DENND5A: variants seen among roughly 807,000 people sequenced by gnomAD.
DENND5A encodes the protein DENN domain-containing protein 5A.
In DENND5A, 64 loss-of-function variants were observed where a neutral mutation model predicts 140.3. The ratio of observed to expected loss-of-function variants is 0.46; its 90% CI spans 0.37 to 0.56. The LOEUF (loss-of-function observed/expected upper bound fraction) is 0.56, where lower values mean the gene tolerates loss of function less well. Ranked by LOEUF, DENND5A falls within the 20% of genes least tolerant of loss-of-function variation. The pLI is 0.00. For missense variants in DENND5A, 1,292 were observed against 1,593.8 expected (o/e 0.81, Z 3.22); for synonymous variants, 605 against 607.7 (o/e 1.00, Z 0.07).
At chr11:9,146,883 G>A (rs1046780727) in intron 16 of DENND5A, 147 bp downstream of exon 16, 4 of 861,860 alleles carry the variant, frequency 4.6e-6, no homozygotes, top group African/African-American at 3.4e-5. Flanking sequence ...AGGAGGGCAA[G>A]TGCACCTCTC....
Position 9,144,413 on chromosome 11 carries a change from C to T in DENND5A, c.3123-135G>A. 7 of 853,586 alleles carry T rather than the reference C, an allele frequency of 8.2e-6. No individual in the cohort carries two copies. In the South Asian group the frequency reaches 9.4e-5, roughly 11 times the overall value. 52.9% of individuals were successfully genotyped at this position (853,586 alleles called of 1,614,324 possible). On this transcript the variant is annotated intron_variant, in intron 18 of 22. Coordinates refer to ENST00000328194, the MANE Select transcript of DENND5A (RefSeq NM_015213.4). The stretch of plus-strand genomic sequence containing the variant: ...GACTCCTTCAATGCTCTGCTGGTTC[C>T]ACCATGTATCATCAGAGAATCACCC...
At chr11:9,143,577 CA>C in intron 19 of DENND5A, 92 bp from the exon 20 acceptor site, 1 of 1,060,770 alleles carries the variant, frequency 9.4e-7, no homozygotes, top group Non-Finnish European at 1.5e-6. Flanking sequence ...GGGGAGGGCC[CA>C]TAGGAGAGGC....
chr11:9,207,100 C>A, intron 2 of DENND5A: 1 of 406,196 alleles, frequency 2.5e-6, no homozygotes. Flanking sequence ...TTGTATCTAT[C>A]TTTTTTTTTT....
At chr11:9,251,142 A>C (rs1298298282) in intron 1 of DENND5A, among the ~76,000 whole-genome samples, 13 of 143,284 alleles carry the variant, frequency 9.1e-5, no homozygotes, top group African/African-American at 3.0e-4. Flanking sequence ...CTCAAACAAA[A>C]AAAAAAAAAA....
At chr11:9,233,139 G>A (rs1564930289) in intron 1 of DENND5A, among the ~76,000 whole-genome samples, 3 of 152,114 alleles carry the variant, frequency 2.0e-5, no homozygotes, top group Admixed American at 1.3e-4. Context: ...AGGGGCTCAC[G>A]CCTATAATCC....
chr11:9,167,488 A>G (rs911293681), intron 10 of DENND5A, among the ~76,000 whole-genome samples: 2 of 151,314 alleles, frequency 1.3e-5, no homozygotes, highest in Non-Finnish European at 2.9e-5. Context: ...AAAAAAAAAA[A>G]AAAAGAAAAA....
intron 2 of DENND5A, chr11:9,207,113 C>A: frequency 7.2e-6 from 3 of 417,496 alleles, no homozygotes; most frequent in African/African-American, 2.1e-5. Flanking sequence ...TTTTTTTTCC[C>A]TGAAAGCCAC....
intron 12 of DENND5A, 62 bp from the exon 13 acceptor site, chr11:9,152,504 C>A: frequency 8.7e-7 from 1 of 1,150,066 alleles, no homozygotes; most frequent in East Asian, 2.3e-5. Context: ...AGGCTTTCAA[C>A]ATACAGATAG....
chr11:9,199,540 T>A (rs138572210), intron 4 of DENND5A, among the ~76,000 whole-genome samples: 2 of 152,196 alleles, frequency 1.3e-5, no homozygotes, highest in South Asian at 4.1e-4. Flanking sequence ...TTAAAAATTA[T>A]GCTATTAAAA....
intron 1 of DENND5A, among the ~76,000 whole-genome samples, chr11:9,262,805 G>T (rs1038639856): frequency 3.3e-5 from 5 of 151,798 alleles, no homozygotes; most frequent in African/African-American, 1.2e-4. Flanking sequence ...GCAGTGGCGC[G>T]ATCTGGGCTC....
Position 9,142,775 on chromosome 11 carries a change from T to C in DENND5A, c.3458A>G (p.His1153Arg). ...GAAGAGCCGGGGCGATTTAAATCCA[T>C]GCTGGAAAGCCTGTTCCAAGGCCGA... ...LVSALEQAFQ[H>R]GFKSPRLFKN... Residue 1153 changes from histidine to arginine, a missense_variant, in exon 21 of 23, where the codon CAT becomes CGT. By Grantham distance (29) the His-to-Arg change is conservative. Transcript: ENST00000328194. 6.2e-7 allele frequency: 1 copy of C among 1,614,174 alleles called. No homozygotes were observed. Among genetic ancestry groups the C allele is most frequent in the South Asian group, 1.1e-5 (1 of 91,078 alleles).
intron 1 of DENND5A, among the ~76,000 whole-genome samples, chr11:9,232,427 GAATA>G (rs976037658): frequency 1.3e-5 from 2 of 152,040 alleles, no homozygotes; most frequent in African/African-American, 4.8e-5. Flanking sequence ...CAAAAGCCCT[GAATA>G]GATACTTCAA....
chr11:9,190,558 T>C (rs578236588), intron 5 of DENND5A, among the ~76,000 whole-genome samples: 1 of 152,302 alleles, frequency 6.6e-6, no homozygotes, highest in Non-Finnish European at 1.5e-5. Context: ...TCCACCATGA[T>C]TGTGAGGCTT....
chr11:9,255,122 T>C, intron 1 of DENND5A, among the ~76,000 whole-genome samples: 1 of 152,152 alleles, frequency 6.6e-6, no homozygotes. Flanking sequence ...AATCTTTGTC[T>C]TCTAGGATAT....
chr11:9,234,446 C>T (rs758181873), intron 1 of DENND5A, among the ~76,000 whole-genome samples: 4 of 151,824 alleles, frequency 2.6e-5, no homozygotes, highest in Admixed American at 6.6e-5. Flanking sequence ...GATTAAAACA[C>T]GACGACAGCA....
chr11:9,207,278 G>A, intron 2 of DENND5A: 1 of 496,282 alleles, frequency 2.0e-6, no homozygotes, highest in South Asian at 2.1e-5. Context: ...TAAATCTAAT[G>A]AGATATTCTG....
At chr11:9,187,483 T>C (rs920370356) in intron 5 of DENND5A, among the ~76,000 whole-genome samples, 1 of 152,164 alleles carries the variant, frequency 6.6e-6, no homozygotes, top group Non-Finnish European at 1.5e-5. Flanking sequence ...AAGGTCACAA[T>C]GATCTTTCCC....
At position 9,260,984 on chromosome 11, in the gene DENND5A, G is replaced by A. The variant is rs111430373; in HGVS notation, c.109+3977C>T. ...TCACCTCAGCTTCCTGAGCAGCTGG[G>A]ACCACAGGTGCATGCCACCACACCC... On this transcript the variant is annotated intron_variant, in intron 1 of 22. Transcript: ENST00000328194. Among the ~76,000 whole-genome samples, 370 of 152,198 alleles carry A rather than the reference G, an allele frequency of 2.4e-3. 2 individuals carry two copies. The highest frequency in any genetic ancestry group is 8.4e-3 in the African/African-American group (348 of 41,522).
intron 5 of DENND5A, among the ~76,000 whole-genome samples, chr11:9,184,986 T>C (rs1848860326): frequency 6.6e-6 from 1 of 152,056 alleles, no homozygotes. Context: ...AGGTCAGGAG[T>C]TCGAGACCAG....
Sources: gnomAD v4.1 joint callset for allele counts (sites outside exome capture counted in the v4.1 genomes callset) on GRCh38, gnomAD v4.1.1 for gene constraint, MANE v1.5 for transcripts, NCBI Gene and HGNC (gene_info 2026-07-23, HGNC 2026-07-21) for gene names.